The following LRIG2 variants were observed in gnomAD, a reference collection of about 807,000 sequenced individuals.
LRIG2 encodes leucine-rich repeats and immunoglobulin-like domains protein 2.
Under a neutral mutation model 107.8 loss-of-function variants are expected in LRIG2, and 93 were observed. The observed-to-expected ratio is 0.86, with a 90% CI of 0.73 to 1.03. The LOEUF (loss-of-function observed/expected upper bound fraction) is 1.03. Among genes scored for constraint, LRIG2 ranks in the 50% least tolerant of loss-of-function variants. The probability of loss-of-function intolerance (pLI) is 0.00; values close to 1 mark genes in which losing one functional copy is unlikely to be tolerated. For synonymous variants in LRIG2, 471 were observed against 470.6 expected, an observed-to-expected ratio of 1.00 and a Z score of -0.01; for missense variants, 1,226 against 1,296.0, an observed-to-expected ratio of 0.95 and a Z score of 0.83.
intron 8 of LRIG2, among the ~76,000 whole-genome samples, chr1:113,097,253 T>G (rs1455181652): frequency 6.6e-6 from 1 of 151,942 alleles, no homozygotes; most frequent in African/African-American, 2.4e-5. Context: ...TATAGTAATC[T>G]CAAACACAGA....
At chr1:113,078,777 A>G (rs1433159700) in intron 1 of LRIG2, among the ~76,000 whole-genome samples, 1 of 151,334 alleles carries the variant, frequency 6.6e-6, no homozygotes, top group Non-Finnish European at 1.5e-5. Context: ...AGTAGCTGGG[A>G]TTACAGGCAT....
Position 113,096,303 on chromosome 1 carries a change from A to G in LRIG2, c.1029A>G (p.Gly343=). The G allele has an allele frequency of 6.2e-7, 1 of 1,614,156 alleles. No individual in the cohort carries two copies. The highest frequency in any genetic ancestry group is 2.2e-5 in the East Asian group (1 of 44,886). ...GLSLLERLNL[G]DNRVTHIADG... ...GCTTATTGGAGAGATTGAATTTAGG[A>G]GACAACAGAGTCACTCATATTGCTG... Residue 343 remains glycine, a synonymous_variant, in exon 8 of 18, where the codon GGA becomes GGG. Transcript: ENST00000361127.
chr1:113,085,347 G>T (rs532591783), intron 1 of LRIG2, among the ~76,000 whole-genome samples: 48 of 152,224 alleles, frequency 3.2e-4, no homozygotes, highest in African/African-American at 9.9e-4. Context: ...GCAATGGTGG[G>T]ATCTCTGCTC....
chr1:113,102,579 A>G (rs988240612), intron 11 of LRIG2, among the ~76,000 whole-genome samples: 1 of 145,832 alleles, frequency 6.9e-6, no homozygotes, highest in Admixed American at 6.9e-5. Flanking sequence ...CTGTCAAGAT[A>G]TTTTTTTTTT....
chr1:113,119,366 G>C lies in LRIG2; in HGVS notation c.2814G>C (p.Met938Ile), dbSNP rs1296008718. 2.5e-6 allele frequency: 4 copies of C among 1,613,952 alleles called. No homozygotes were observed. In the East Asian group the frequency reaches 8.9e-5, roughly 36 times the overall value. The change falls in exon 17 of 18, where the codon ATG becomes ATC. Residue 938 changes from methionine to isoleucine, a missense_variant. By Grantham distance (10) the Met-to-Ile change is conservative. Transcript: ENST00000361127. ...TTGATCAGACACTGTCCAGCCTCATGGTCCAAATGCCTAAAGAGACATATT... is the reference window on the plus strand; with the variant it reads ...TTGATCAGACACTGTCCAGCCTCATCGTCCAAATGCCTAAAGAGACATATT... ...DVLDQTLSSL[M>I]VQMPKETYLV...
chr1:113,077,431 T>A (rs1373090205), intron 1 of LRIG2, among the ~76,000 whole-genome samples: 1 of 152,232 alleles, frequency 6.6e-6, no homozygotes, highest in African/African-American at 2.4e-5. Flanking sequence ...CATTAGCCAC[T>A]GTGCCTGGCC....
rs1194558265 is a variant in LRIG2, at chr1:113,090,770, G to A, written c.240-548G>A. On this transcript the variant is annotated intron_variant, in intron 1 of 17. Transcript: ENST00000361127. ...GGAGAATGGCGTGAACCCGGGAGGC[G>A]GAGCTTGCAGTGAGCCGAGATTGCG... 2.6e-5 allele frequency among the ~76,000 whole-genome samples: 4 copies of A among 151,752 alleles called. No homozygotes were observed. In the South Asian group the frequency reaches 6.3e-4, roughly 24 times the overall value.
At chr1:113,114,981 T>C in intron 15 of LRIG2, 105 bp downstream of exon 15, 1 of 963,850 alleles carries the variant, frequency 1.0e-6, no homozygotes, top group Non-Finnish European at 1.5e-6. Flanking sequence ...TAGTAGCACA[T>C]GCCTGTACTC....
chr1:113,089,173 A>T (rs550312022), intron 1 of LRIG2, among the ~76,000 whole-genome samples: 4 of 152,242 alleles, frequency 2.6e-5, no homozygotes, highest in Admixed American at 6.5e-5. Flanking sequence ...TCAACTGCCT[A>T]TGGTGGCATA....
chr1:113,106,574 G>A (rs779015954), intron 11 of LRIG2, among the ~76,000 whole-genome samples: 13 of 151,912 alleles, frequency 8.6e-5, no homozygotes, highest in South Asian at 4.2e-4. Flanking sequence ...GCGTGATCTC[G>A]GCTCACTGCA....
rs760517786 is a variant in LRIG2, at chr1:113,100,458, A to G, written c.1283A>G (p.Asn428Ser). ...AATGCTATAATGTCTATCCAAGAAA[A>G]TGCTTTTTCTCAGACTCATTTAAAA... ...NNNAIMSIQE[N>S]AFSQTHLKEL... Residue 428 changes from asparagine (N) to serine (S), a missense_variant, in exon 11 of 18, where the codon AAT (asparagine) becomes AGT (serine). Physicochemically the swap from Asn to Ser is conservative, Grantham distance 46 (BLOSUM62 1). Coordinates refer to ENST00000361127, the MANE Select transcript of LRIG2 (RefSeq NM_014813.3). 6.5e-7 allele frequency: 1 copy of G among 1,537,796 alleles called. No homozygotes were observed. Among genetic ancestry groups the G allele is most frequent in the Admixed American group, 1.7e-5 (1 of 58,474 alleles).
intron 17 of LRIG2, among the ~76,000 whole-genome samples, chr1:113,119,941 C>G (rs544750113): frequency 6.6e-6 from 1 of 152,118 alleles, no homozygotes; most frequent in East Asian, 2.0e-4. Flanking sequence ...TCCCAAGAAG[C>G]TGGGACTACA....
At position 113,094,705 on chromosome 1, in the gene LRIG2, T is replaced by G; in HGVS notation, c.753T>G (p.Ile251Met). 1 of 1,613,968 alleles carries G rather than the reference T, an allele frequency of 6.2e-7. No individual in the cohort carries two copies. The highest frequency in any genetic ancestry group is 8.5e-7 in the Non-Finnish European group (1 of 1,179,940). The change falls in exon 6 of 18, where the codon ATT becomes ATG. Residue 251 changes from isoleucine (I) to methionine (M), a missense_variant. This residue lies in a region of LRIG2 where 570 missense variants were observed against 550.2 expected (regional missense o/e 1.04). Transcript: ENST00000361127. ...CTTTGAAAATGCAGCGGAATGGAAT[T>G]AGCAAACTTAAGGATGGAGCATTTT... ...LRSLKMQRNG[I>M]SKLKDGAFFG...
In LRIG2 at chr1:113,125,057, T is replaced by G. The variant is rs568397442; in HGVS notation, c.*956T>G. 2 of 152,208 alleles carry G rather than the reference T, an allele frequency of 1.3e-5. No homozygotes were observed. Among genetic ancestry groups the G allele is most frequent in the East Asian group, 3.9e-4 (2 of 5,172 alleles). The allele number at this position is 152,208 out of a possible 1,614,324, so 9.4% of individuals were successfully genotyped here. A position where few individuals can be genotyped will look rare whatever the true frequency, so the allele number is the denominator to read the frequency against. On this transcript the variant is annotated 3_prime_UTR_variant, in exon 18 of 18. Transcript: ENST00000361127. Reference sequence around the variant, plus strand: ...GGCATGCTGCTGTAGTCCTAGCTACTTGGGAGGCTGAGGTGGGAGGGTCAC... The same window carrying G: ...GGCATGCTGCTGTAGTCCTAGCTACGTGGGAGGCTGAGGTGGGAGGGTCAC...
Position 113,131,366 on chromosome 1 carries a change from A to G in LRIG2, c.*7265A>G, listed in dbSNP as rs1156724101. 6.6e-6 allele frequency: 1 copy of G among 152,222 alleles called. No homozygotes were observed. Among genetic ancestry groups the G allele is most frequent in the Non-Finnish European group, 1.5e-5 (1 of 68,048 alleles). 9.4% of individuals were successfully genotyped at this position (152,222 alleles called of 1,614,324 possible). Reference sequence around the variant, plus strand: ...CATGGCCTTTTTTAATCATTTTAATATCCCCAGAAATGCTAGAAGTGTAAA... The same window carrying G: ...CATGGCCTTTTTTAATCATTTTAATGTCCCCAGAAATGCTAGAAGTGTAAA... On this transcript the variant is annotated 3_prime_UTR_variant, in exon 18 of 18. Transcript: ENST00000361127.
chr1:113,088,673 CA>C (rs1214363348), intron 1 of LRIG2, among the ~76,000 whole-genome samples: 1 of 152,180 alleles, frequency 6.6e-6, no homozygotes, highest in Admixed American at 6.5e-5. Context: ...GCCTGCTACA[CA>C]GATGATATTA....
At chr1:113,109,574 G>A (rs1570760298) in intron 12 of LRIG2, among the ~76,000 whole-genome samples, 1 of 152,316 alleles carries the variant, frequency 6.6e-6, no homozygotes, top group Non-Finnish European at 1.5e-5. Flanking sequence ...CTGGAGTGAA[G>A]TGGCGTGATC....
chr1:113,086,257 G>A (rs1268404902), intron 1 of LRIG2, among the ~76,000 whole-genome samples: 2 of 151,754 alleles, frequency 1.3e-5, no homozygotes, highest in African/African-American at 2.4e-5. Context: ...CACACGCCTC[G>A]GTCTCCCAAA....
chr1:113,092,652 A>G (rs1766864), intron 2 of LRIG2, among the ~76,000 whole-genome samples: 139,190 of 152,198 alleles, frequency 0.91, 64,519 homozygotes, highest in Non-Finnish European at 0.98. Flanking sequence ...AAAATACTTC[A>G]TAACCTTTCT....
Sources: allele counts gnomAD v4.1 joint callset (sites outside exome capture counted in the v4.1 genomes callset), GRCh38; gene constraint gnomAD v4.1.1; regional missense constraint gnomAD v4.1.1; transcripts MANE v1.5; gene names NCBI Gene and HGNC (gene_info 2026-07-23, HGNC 2026-07-21).